Variants in UMPS observed in about 807,000 individuals in gnomAD.
UMPS encodes the protein uridine monophosphate synthetase, also known as uridine 5'-monophosphate synthase.
In UMPS, 21 loss-of-function variants were observed where a neutral mutation model predicts 38.9. The observed-to-expected ratio is 0.54, with a 90% CI of 0.38 to 0.78. UMPS has a LOEUF of 0.78. Among genes scored for constraint, UMPS ranks in the 30% least tolerant of loss-of-function variants. The pLI, the probability that UMPS is intolerant of heterozygous loss-of-function variation, is 0.00. For synonymous variants in UMPS, 208 were observed against 219.3 expected, an observed-to-expected ratio of 0.95 and a Z score of 0.45; for missense variants, 533 against 591.6, an observed-to-expected ratio of 0.90 and a Z score of 1.03.
intron 1 of UMPS, among the ~76,000 whole-genome samples, chr3:124,734,261 TA>T (rs17843799): frequency 0.034 from 5,195 of 150,984 alleles, 171 homozygotes; most frequent in African/African-American, 0.08. Flanking sequence ...TTTGCTTTTT[TA>T]AAAAAAAAAT....
At chr3:124,735,752 G>A (rs1190516949) in intron 2 of UMPS, among the ~76,000 whole-genome samples, 4 of 152,234 alleles carry the variant, frequency 2.6e-5, no homozygotes, top group South Asian at 2.1e-4. Context: ...CGAGGTAGGC[G>A]GATCACTTGA....
chr3:124,738,404 C>A, intron 3 of UMPS, 165 bp downstream of exon 3: 1 of 705,760 alleles, frequency 1.4e-6, no homozygotes, highest in Non-Finnish European at 2.4e-6. Context: ...TTCTCTCCAT[C>A]TCTCAGCTCT....
At chr3:124,737,230 C>A in intron 2 of UMPS, 1 of 291,698 alleles carries the variant, frequency 3.4e-6, no homozygotes, top group Non-Finnish European at 6.5e-6. Flanking sequence ...ATAGTGAGAC[C>A]TCATCTCTAT....
At position 124,747,486 on chromosome 3, in the gene UMPS, T is replaced by G. The variant is rs2063611881; in HGVS notation, c.*3402T>G. The G allele has an allele frequency of 2.2e-6, 1 of 454,034 alleles. No individual in the cohort carries two copies. Among genetic ancestry groups the G allele is most frequent in the Non-Finnish European group, 4.4e-6 (1 of 226,810 alleles). 28.1% of individuals were successfully genotyped at this position (454,034 alleles called of 1,614,324 possible). On this transcript the variant is annotated 3_prime_UTR_variant, in exon 6 of 6. Transcript: ENST00000232607. ...GTGTTTCTGCTCACCCCTCTCTGGC[T>G]TCTGCCACCACATGGGAAGAATATG... is the stretch of plus-strand genomic sequence containing the variant.
At chr3:124,740,817 G>A (rs367868851) in intron 4 of UMPS, among the ~76,000 whole-genome samples, 3 of 152,234 alleles carry the variant, frequency 2.0e-5, no homozygotes, top group East Asian at 3.9e-4. Flanking sequence ...AGGCATGGTG[G>A]TACGTGCCTA....
At chr3:124,743,641 A>AAAATAAATAAATAAATAAAAAAAAT (rs201084171) in intron 5 of UMPS, among the ~76,000 whole-genome samples, 1 of 150,892 alleles carries the variant, frequency 6.6e-6, no homozygotes, top group Admixed American at 6.6e-5. Flanking sequence ...CCGTCTCAAA[A>AAAATAAATAAATAAATAAAAAAAAT]AAATAAATAA....
chr3:124,742,452 G>A (rs2063563637), intron 5 of UMPS, 186 bp downstream of exon 5: 1 of 610,070 alleles, frequency 1.6e-6, no homozygotes. Context: ...TAGTCTAATT[G>A]TCTGTAAAAT....
In UMPS at chr3:124,742,073, A is replaced by T. The variant is rs2063560902; in HGVS notation, c.1159-79A>T. ...CTTTTTTTTTTTTTTTTAAGTTTTG[A>T]AAAAATAGAGCATATTTTTACTTTT... On this transcript the variant is annotated intron_variant, in intron 4 of 5. Coordinates refer to ENST00000232607, the MANE Select transcript of UMPS (RefSeq NM_000373.4). 4.4e-6 allele frequency: 5 copies of T among 1,128,906 alleles called. No individual in the cohort carries two copies. The South Asian group carries it at 5.4e-5, about 12-fold the overall frequency. The allele number at this position is 1,128,906 out of a possible 1,614,324, so 69.9% of individuals were successfully genotyped here. A position where few individuals can be genotyped will look rare whatever the true frequency, so the allele number is the denominator to read the frequency against.
intron 1 of UMPS, among the ~76,000 whole-genome samples, chr3:124,732,111 G>A (rs1454198637): frequency 1.3e-5 from 2 of 152,100 alleles, no homozygotes; most frequent in Middle Eastern, 3.2e-3. Context: ...GCTACCTCCT[G>A]TTATTTCAAT....
At position 124,742,056 on chromosome 3, in the gene UMPS, T is replaced by A; in HGVS notation, c.1159-96T>A. 6 of 1,013,290 alleles carry A rather than the reference T, an allele frequency of 5.9e-6. No homozygotes were observed. In the East Asian group the frequency reaches 1.4e-4, roughly 24 times the overall value. 62.8% of individuals were successfully genotyped at this position (1,013,290 alleles called of 1,614,324 possible). ...ATAGGGAGACCTCATGTCTTTTTTT[T>A]TTTTTTTTAAGTTTTGAAAAAATAG... On this transcript the variant is annotated intron_variant, in intron 4 of 5. Transcript: ENST00000232607.
In UMPS at chr3:124,747,010, T is replaced by C. The variant is rs1186359943; in HGVS notation, c.*2926T>C. On this transcript the variant is annotated 3_prime_UTR_variant, in exon 6 of 6. Coordinates refer to ENST00000232607, the MANE Select transcript of UMPS (RefSeq NM_000373.4). The stretch of plus-strand genomic sequence containing the variant: ...GTAGGCCGAGGGCTGGTTTTTTGTT[T>C]TGTTTTGTTTGTTTGATACAGGGTC... 3 of 447,220 alleles carry C rather than the reference T, an allele frequency of 6.7e-6. No individual in the cohort carries two copies. The highest frequency in any genetic ancestry group is 2.1e-5 in the African/African-American group (1 of 48,404). The allele number at this position is 447,220 out of a possible 1,614,324, so 27.7% of individuals were successfully genotyped here.
Position 124,746,496 on chromosome 3 carries a change from G to C in UMPS, c.*2412G>C, listed in dbSNP as rs1345786337. The stretch of plus-strand genomic sequence containing the variant: ...TAGAGGACAAGTTGATTCAGGCAGA[G>C]AAGAACTTGGGCTATACAAGCGCTG... On this transcript the variant is annotated 3_prime_UTR_variant, in exon 6 of 6. Coordinates refer to ENST00000232607, the MANE Select transcript of UMPS (RefSeq NM_000373.4). 1 of 421,988 alleles carries C rather than the reference G, an allele frequency of 2.4e-6. No homozygotes were observed. The highest frequency in any genetic ancestry group is 3.1e-5 in the African/African-American group (1 of 31,804). The allele number at this position is 421,988 out of a possible 1,614,324, so 26.1% of individuals were successfully genotyped here. A position where few individuals can be genotyped will look rare whatever the true frequency, so the allele number is the denominator to read the frequency against.
chr3:124,730,924 C>G (rs144161930), intron 1 of UMPS, among the ~76,000 whole-genome samples: 1 of 152,304 alleles, frequency 6.6e-6, no homozygotes, highest in East Asian at 1.9e-4. Context: ...GTATATTTAA[C>G]TCTTTAAGAA....
Position 124,735,212 on chromosome 3 carries a change from A to G in UMPS, c.276A>G (p.Pro92=), listed in dbSNP as rs376151563. Residue 92 remains proline, a synonymous_variant, in exon 2 of 6, where the codon CCA becomes CCG. Coordinates refer to ENST00000232607, the MANE Select transcript of UMPS (RefSeq NM_000373.4). ...TTATCTGTTCAACCAATCAAATTCC[A>G]ATGCTTATTAGAAGGAAAGAAACAA... ...ATVICSTNQI[P]MLIRRKETKD... is the part of the protein sequence containing the mutation. 1 of 1,613,872 alleles carries G rather than the reference A, an allele frequency of 6.2e-7. No homozygotes were observed. The highest frequency in any genetic ancestry group is 8.5e-7 in the Non-Finnish European group (1 of 1,179,794).
rs1403424931 is a variant in UMPS at position 124,749,253 on chromosome 3, T to C, written c.*5169T>C. On this transcript the variant is annotated 3_prime_UTR_variant, in exon 6 of 6. Transcript: ENST00000232607. ...AAATATGGGTTCTTTTCAACCTGAA[T>C]AGATGGCCTAAAAATTCAAACTTGC... The C allele has an allele frequency of 6.7e-6, 3 of 450,042 alleles. No homozygotes were observed. The highest frequency in any genetic ancestry group is 4.0e-5 in the African/African-American group (2 of 49,688). 27.9% of individuals were successfully genotyped at this position (450,042 alleles called of 1,614,324 possible). A position where few individuals can be genotyped will look rare whatever the true frequency, so the allele number is the denominator to read the frequency against.
chr3:124,737,536 AT>A, intron 2 of UMPS, 31 bp from the exon 3 acceptor site: 5 of 1,610,472 alleles, frequency 3.1e-6, no homozygotes, highest in Non-Finnish European at 4.2e-6. Flanking sequence ...ACATATTTAA[AT>A]TTGGAATCAG....
In UMPS at chr3:124,745,410, C is replaced by T. The variant is rs2242249; in HGVS notation, c.*1326C>T. The T allele has an allele frequency of 2.2e-6, 1 of 452,848 alleles. No individual in the cohort carries two copies. The highest frequency in any genetic ancestry group is 4.4e-6 in the Non-Finnish European group (1 of 226,628). The allele number at this position is 452,848 out of a possible 1,614,324, so 28.1% of individuals were successfully genotyped here. The stretch of plus-strand genomic sequence containing the variant: ...AGACAGAATCTCACTGTCGCCCAGG[C>T]TGGAGTTCAGTGGCACGATCTCGGC... On this transcript the variant is annotated 3_prime_UTR_variant, in exon 6 of 6. Coordinates refer to ENST00000232607, the MANE Select transcript of UMPS (RefSeq NM_000373.4).
In UMPS at chr3:124,747,914, T is replaced by G. The variant is rs886278732; in HGVS notation, c.*3830T>G. ...TGACCATGAGTAACCCTGTGGACTC[T>G]CTGCAGCTTGGTTCCTTTGCCCCTT... On this transcript the variant is annotated 3_prime_UTR_variant, in exon 6 of 6. Transcript: ENST00000232607. The G allele has an allele frequency of 4.4e-6, 2 of 453,786 alleles. No individual in the cohort carries two copies. The highest frequency in any genetic ancestry group is 4.0e-5 in the African/African-American group (2 of 49,986). The allele number at this position is 453,786 out of a possible 1,614,324, so 28.1% of individuals were successfully genotyped here. A position where few individuals can be genotyped will look rare whatever the true frequency, so the allele number is the denominator to read the frequency against.
chr3:124,730,944 T>TG (rs376365518), intron 1 of UMPS, among the ~76,000 whole-genome samples: 101 of 152,280 alleles, frequency 6.6e-4, no homozygotes, highest in African/African-American at 2.3e-3. Flanking sequence ...AAATTAGACT[T>TG]GCGGCCGGGC....
Sources: gnomAD v4.1 joint callset for allele counts (sites outside exome capture counted in the v4.1 genomes callset) on GRCh38, gnomAD v4.1.1 for gene constraint, MANE v1.5 for transcripts, NCBI Gene and HGNC (gene_info 2026-07-23, HGNC 2026-07-21) for gene names.